The following MACROD2 variants were observed in gnomAD, a reference collection of about 807,000 sequenced individuals.
MACROD2 encodes mono-ADP ribosylhydrolase 2, also known as ADP-ribose glycohydrolase MACROD2.
In MACROD2, 36 loss-of-function variants were observed where a neutral mutation model predicts 70.4. The ratio of observed to expected loss-of-function variants is 0.51; its 90% CI spans 0.39 to 0.68. MACROD2 has a LOEUF of 0.68. MACROD2 is among the 30% of genes least tolerant of loss of function. The pLI is 0.00. For synonymous variants in MACROD2, 172 were observed against 178.8 expected (o/e 0.96, Z 0.30); for missense variants, 496 against 538.4 (o/e 0.92, Z 0.78).
chr20:14,415,104 G>C (rs1465727247), intron 3 of MACROD2, among the ~76,000 whole-genome samples: 1 of 152,068 alleles, frequency 6.6e-6, no homozygotes, highest in Non-Finnish European at 1.5e-5. Flanking sequence ...CTTATTATAT[G>C]TGTAATAAAC....
At chr20:14,466,014 G>A (rs2084442738) in intron 3 of MACROD2, among the ~76,000 whole-genome samples, 1 of 151,974 alleles carries the variant, frequency 6.6e-6, no homozygotes, top group Non-Finnish European at 1.5e-5. Flanking sequence ...TATGTGTCTT[G>A]GAGTTGCTCT....
At chr20:15,208,555 G>C (rs1013715786) in intron 5 of MACROD2, among the ~76,000 whole-genome samples, 1 of 152,146 alleles carries the variant, frequency 6.6e-6, no homozygotes, top group Non-Finnish European at 1.5e-5. Flanking sequence ...CTCTGAAACT[G>C]TATCACACTC....
chr20:14,563,220 G>A lies in MACROD2; in HGVS notation c.301+69712G>A, dbSNP rs541440560. On this transcript the variant is annotated intron_variant, in intron 4 of 17. Transcript: ENST00000684519. ...GACTGGCAGCATGAAGCTAGGGTACGTTAGTCCCTGGTAGGGGGCAAAGTT... is the reference window on the plus strand; with the variant it reads ...GACTGGCAGCATGAAGCTAGGGTACATTAGTCCCTGGTAGGGGGCAAAGTT... Among the ~76,000 whole-genome samples, 83 of 151,892 alleles carry A rather than the reference G, an allele frequency of 5.5e-4. No homozygotes were observed. In the South Asian group the frequency reaches 0.014, roughly 25 times the overall value.
intron 8 of MACROD2, among the ~76,000 whole-genome samples, chr20:15,511,545 G>A (rs1437940830): frequency 6.6e-6 from 1 of 152,132 alleles, no homozygotes. Context: ...ACAACATAAG[G>A]CCTTTCTAAT....
chr20:14,840,076 T>A (rs2073071278), intron 5 of MACROD2, among the ~76,000 whole-genome samples: 1 of 151,716 alleles, frequency 6.6e-6, no homozygotes, highest in South Asian at 2.1e-4. Flanking sequence ...TCACTCTTGT[T>A]GCCCAGGCTG....
chr20:15,507,491 CTTTT>C (rs2047442226), intron 8 of MACROD2, among the ~76,000 whole-genome samples: 1 of 130,218 alleles, frequency 7.7e-6, no homozygotes, highest in Non-Finnish European at 1.7e-5. Flanking sequence ...TTTTTTCTTT[CTTTT>C]CTTTTCTCTT....
At chr20:14,989,086 A>T (rs1043410215) in intron 5 of MACROD2, among the ~76,000 whole-genome samples, 2 of 152,178 alleles carry the variant, frequency 1.3e-5, no homozygotes, top group Non-Finnish European at 2.9e-5. Context: ...TGTTTGAATT[A>T]TATGGTTTTT....
intron 8 of MACROD2, among the ~76,000 whole-genome samples, chr20:15,678,907 G>A (rs2050118084): frequency 6.6e-6 from 1 of 152,128 alleles, no homozygotes; most frequent in South Asian, 2.1e-4. Context: ...CCAATTTCAA[G>A]CTTCCAAAGT....
chr20:14,055,063 G>A (rs1472771963), intron 2 of MACROD2, among the ~76,000 whole-genome samples: 4 of 152,044 alleles, frequency 2.6e-5, no homozygotes, highest in Non-Finnish European at 5.9e-5. Flanking sequence ...ACCAAAGCTA[G>A]TTTATAAAAT....
At chr20:14,951,513 T>C (rs2074476005) in intron 5 of MACROD2, among the ~76,000 whole-genome samples, 1 of 152,230 alleles carries the variant, frequency 6.6e-6, no homozygotes, top group Admixed American at 6.5e-5. Flanking sequence ...ATGTCTGTCA[T>C]AGTCATGAAG....
rs188302021 is a variant in MACROD2 at position 14,704,893 on chromosome 20, C to T, written c.418+19934C>T. On this transcript the variant is annotated intron_variant, in intron 5 of 17. Transcript: ENST00000684519. ...GCCTGGCAGGGGCTGGCTTTTGAGA[C>T]AGCTAGGTGTTAGCTGTTACTTCCT... Among the ~76,000 whole-genome samples, 10 of 152,148 alleles carry T rather than the reference C, an allele frequency of 6.6e-5. No homozygotes were observed. In the East Asian group the frequency reaches 1.7e-3, roughly 26 times the overall value.
chr20:15,079,679 T>C, intron 5 of MACROD2, among the ~76,000 whole-genome samples: 1 of 151,974 alleles, frequency 6.6e-6, no homozygotes, highest in East Asian at 1.9e-4. Flanking sequence ...TCCCTCAAAG[T>C]CACCTAGAAA....
intron 5 of MACROD2, among the ~76,000 whole-genome samples, chr20:15,100,894 G>A (rs1005048643): frequency 6.6e-6 from 1 of 151,990 alleles, no homozygotes; most frequent in South Asian, 2.1e-4. Flanking sequence ...GTGCTGTTTG[G>A]TTACATATTT....
intron 15 of MACROD2, among the ~76,000 whole-genome samples, chr20:16,012,553 C>T (rs1419296663): frequency 6.6e-6 from 1 of 152,182 alleles, no homozygotes; most frequent in African/African-American, 2.4e-5. Flanking sequence ...ATGACGTTGG[C>T]CTTTCCCGCT....
At chr20:16,021,812 C>T (rs2067005308) in intron 15 of MACROD2, among the ~76,000 whole-genome samples, 1 of 152,196 alleles carries the variant, frequency 6.6e-6, no homozygotes, top group South Asian at 2.1e-4. Context: ...GTTCTCCACT[C>T]TGACTCCAGG....
rs146686727 is a variant in MACROD2 at position 14,951,600 on chromosome 20, G to A, written c.418+266641G>A. 1.7e-3 allele frequency among the ~76,000 whole-genome samples: 261 copies of A among 152,236 alleles called. 1 individual carries two copies. Among genetic ancestry groups the A allele is most frequent in the Non-Finnish European group, 2.9e-3 (196 of 68,010 alleles). On this transcript the variant is annotated intron_variant, in intron 5 of 17. Coordinates refer to ENST00000684519, the MANE Select transcript of MACROD2 (RefSeq NM_001351661.2). The stretch of plus-strand genomic sequence containing the variant: ...TTTGGAGGCACTGCTGTAGGACTCC[G>A]AGGGCATCACTGGCCCCAGAGACTG...
At chr20:15,493,246 AG>A (rs2047254111) in intron 7 of MACROD2, among the ~76,000 whole-genome samples, 1 of 152,198 alleles carries the variant, frequency 6.6e-6, no homozygotes, top group Non-Finnish European at 1.5e-5. Flanking sequence ...CAGATCTAGA[AG>A]GGGATGTTGA....
intron 5 of MACROD2, among the ~76,000 whole-genome samples, chr20:14,969,047 G>A (rs1039482167): frequency 6.6e-6 from 1 of 152,024 alleles, no homozygotes; most frequent in Non-Finnish European, 1.5e-5. Context: ...AAGAGTGCAA[G>A]TATGTCAAAA....
intron 2 of MACROD2, among the ~76,000 whole-genome samples, chr20:14,039,905 T>C (rs1268273239): frequency 6.6e-6 from 1 of 152,118 alleles, no homozygotes; most frequent in African/African-American, 2.4e-5. Flanking sequence ...TATTTTTGAA[T>C]TTAACTCAGT....
Sources: gnomAD v4.1 joint callset for allele counts (sites outside exome capture counted in the v4.1 genomes callset) on GRCh38, gnomAD v4.1.1 for gene constraint, MANE v1.5 for transcripts, NCBI Gene and HGNC (gene_info 2026-07-23, HGNC 2026-07-21) for gene names.